UBE2D1: variants seen among roughly 807,000 people sequenced by gnomAD.
UBE2D1 encodes ubiquitin-conjugating enzyme E2 D1.
Under a neutral mutation model 24.6 loss-of-function variants are expected in UBE2D1, and 9 were observed. The observed-to-expected ratio is 0.37, with a 90% CI of 0.22 to 0.64. UBE2D1 has a LOEUF of 0.64. Ranked by LOEUF, UBE2D1 falls within the 30% of genes least tolerant of loss-of-function variation. The pLI is 0.64. For missense variants in UBE2D1, 87 were observed against 177.1 expected (o/e 0.49, Z 2.89); for synonymous variants, 57 against 57.6 (o/e 0.99, Z 0.04).
chr10:58,356,057 ATC>A (rs1055063237), intron 1 of UBE2D1, among the ~76,000 whole-genome samples: 4 of 152,094 alleles, frequency 2.6e-5, no homozygotes, highest in African/African-American at 9.7e-5. Context: ...ATGCCATTTT[ATC>A]TCTTTTTTTA....
chr10:58,338,712 G>C (rs1196184205), intron 1 of UBE2D1, among the ~76,000 whole-genome samples: 1 of 152,126 alleles, frequency 6.6e-6, no homozygotes, highest in Non-Finnish European at 1.5e-5. Context: ...CATCATCATA[G>C]ATTTTATTTG....
At chr10:58,355,259 G>A (rs115218071) in intron 1 of UBE2D1, among the ~76,000 whole-genome samples, 7,351 of 152,262 alleles carry the variant, frequency 0.048, 343 homozygotes, top group African/African-American at 0.12. Flanking sequence ...ACCCAAATAA[G>A]AGTGTAGGTT....
intron 5 of UBE2D1, among the ~76,000 whole-genome samples, chr10:58,366,563 T>TA (rs1253540231): frequency 6.6e-6 from 1 of 152,142 alleles, no homozygotes; most frequent in Non-Finnish European, 1.5e-5. Context: ...GTATATTTTT[T>TA]ACTTTGCTAT....
Position 58,356,165 on chromosome 10 carries a change from T to C in UBE2D1, c.25-5173T>C, listed in dbSNP as rs115141439. Among the ~76,000 whole-genome samples, 1,153 of 152,234 alleles carry C rather than the reference T, an allele frequency of 7.6e-3. 11 individuals carry two copies. The highest frequency in any genetic ancestry group is 0.027 in the African/African-American group (1,112 of 41,548). On this transcript the variant is annotated intron_variant, in intron 1 of 6. Coordinates refer to ENST00000373910, the MANE Select transcript of UBE2D1 (RefSeq NM_003338.5). ...CCTGAATAAAAATCTTTATTTTTCT[T>C]TAAAAAGTTACAAAAGTATTATAAA...
intron 1 of UBE2D1, among the ~76,000 whole-genome samples, chr10:58,336,813 C>T (rs1359987384): frequency 6.6e-6 from 1 of 152,114 alleles, no homozygotes; most frequent in East Asian, 1.9e-4. Flanking sequence ...TGATTTTGCA[C>T]ATACAAGAGC....
chr10:58,349,187 CCTT>C (rs1170519425), intron 1 of UBE2D1, among the ~76,000 whole-genome samples: 1 of 152,012 alleles, frequency 6.6e-6, no homozygotes, highest in African/African-American at 2.4e-5. Context: ...AAGGCACTAT[CCTT>C]TAATTTACTG....
chr10:58,355,853 C>T (rs1167274490), intron 1 of UBE2D1, among the ~76,000 whole-genome samples: 1 of 152,092 alleles, frequency 6.6e-6, no homozygotes, highest in Non-Finnish European at 1.5e-5. Context: ...CAAATCTCAC[C>T]AGTTTTTTTT....
intron 1 of UBE2D1, among the ~76,000 whole-genome samples, chr10:58,335,786 T>G (rs1839897249): frequency 6.6e-6 from 1 of 152,198 alleles, no homozygotes. Context: ...GGCCAAGAAG[T>G]CAGGAGAAGG....
intron 1 of UBE2D1, among the ~76,000 whole-genome samples, chr10:58,345,614 C>G (rs1840007453): frequency 6.6e-6 from 1 of 152,080 alleles, no homozygotes; most frequent in African/African-American, 2.4e-5. Flanking sequence ...AAGAAAAGTC[C>G]TGTAACAACT....
intron 6 of UBE2D1, 188 bp from the exon 7 acceptor site, chr10:58,368,532 C>T: frequency 2.6e-6 from 1 of 377,948 alleles, no homozygotes; most frequent in Non-Finnish European, 4.7e-6. Flanking sequence ...CAGAGAAATC[C>T]ATGAGTTAAA....
chr10:58,361,987 C>T (rs963862998), intron 3 of UBE2D1, among the ~76,000 whole-genome samples: 3 of 152,118 alleles, frequency 2.0e-5, no homozygotes, highest in African/African-American at 7.2e-5. Flanking sequence ...TAAAATATTA[C>T]AATGGGTCTG....
At chr10:58,350,117 A>G (rs1372222446) in intron 1 of UBE2D1, among the ~76,000 whole-genome samples, 1 of 152,326 alleles carries the variant, frequency 6.6e-6, no homozygotes, top group Non-Finnish European at 1.5e-5. Flanking sequence ...AAATAATGGC[A>G]CTTTGGCATG....
At chr10:58,361,201 A>G in intron 1 of UBE2D1, 137 bp from the exon 2 acceptor site, 1 of 830,370 alleles carries the variant, frequency 1.2e-6, no homozygotes, top group Non-Finnish European at 1.9e-6. Context: ...ATGACAGAGT[A>G]CAATTTATGT....
At chr10:58,361,566 C>T in intron 3 of UBE2D1, 40 bp downstream of exon 3, 2 of 1,612,068 alleles carry the variant, frequency 1.2e-6, no homozygotes, top group Non-Finnish European at 1.7e-6. Flanking sequence ...CCCCCTCAGC[C>T]ATACTTCATT....
At chr10:58,337,109 T>G (rs1233843473) in intron 1 of UBE2D1, among the ~76,000 whole-genome samples, 1 of 150,416 alleles carries the variant, frequency 6.6e-6, no homozygotes, top group Non-Finnish European at 1.5e-5. Flanking sequence ...TTTTTAGTAT[T>G]TATTGGTTAT....
chr10:58,360,607 G>A (rs531883078), intron 1 of UBE2D1, among the ~76,000 whole-genome samples: 2 of 152,240 alleles, frequency 1.3e-5, no homozygotes, highest in South Asian at 2.1e-4. Context: ...ACTGCTGCTC[G>A]TTTATTTCCC....
At chr10:58,339,874 G>C (rs1375955560) in intron 1 of UBE2D1, among the ~76,000 whole-genome samples, 1 of 151,788 alleles carries the variant, frequency 6.6e-6, no homozygotes, top group Non-Finnish European at 1.5e-5. Context: ...CCTATCTGAA[G>C]AGAGAGTCAA....
intron 1 of UBE2D1, among the ~76,000 whole-genome samples, chr10:58,335,782 G>A (rs1391426880): frequency 6.6e-6 from 1 of 152,226 alleles, no homozygotes; most frequent in Non-Finnish European, 1.5e-5. Flanking sequence ...TTGCGGCCAA[G>A]AAGTCAGGAG....
At chr10:58,350,564 C>T (rs561646773) in intron 1 of UBE2D1, among the ~76,000 whole-genome samples, 58 of 152,288 alleles carry the variant, frequency 3.8e-4, no homozygotes, top group Non-Finnish European at 7.6e-4. Flanking sequence ...TGTCTCTTCA[C>T]ACTTTTAATG....
Sources: allele counts gnomAD v4.1 joint callset (sites outside exome capture counted in the v4.1 genomes callset), GRCh38; gene constraint gnomAD v4.1.1; transcripts MANE v1.5; gene names NCBI Gene and HGNC (gene_info 2026-07-23, HGNC 2026-07-21).